FAM81A: variants seen among roughly 807,000 people sequenced by gnomAD.
FAM81A encodes family with sequence similarity 81 member A, also known as protein FAM81A.
Under a neutral mutation model 46.7 loss-of-function variants are expected in FAM81A, and 19 were observed. The ratio of observed to expected loss-of-function variants is 0.41; its 90% CI spans 0.28 to 0.60. The LOEUF is 0.60. Among genes scored for constraint, FAM81A ranks in the 20% least tolerant of loss-of-function variants. The pLI is 0.34. For synonymous variants in FAM81A, 183 were observed against 152.9 expected (o/e 1.20, Z -1.45); for missense variants, 377 against 453.5 (o/e 0.83, Z 1.53).
chr15:59,516,805 A>G lies in FAM81A; in HGVS notation c.947A>G (p.Gln316Arg), dbSNP rs768393321. The G allele has an allele frequency of 1.2e-6, 2 of 1,608,682 alleles. No homozygotes were observed. The highest frequency in any genetic ancestry group is 4.5e-5 in the East Asian group (2 of 44,828). ...RITKLELQMN[Q>R]NIKEMKAEVN... ...ACCAAGCTGGAGTTACAGATGAACCAGAACATCAAGGAAATGAAAGCAGAA... is the reference window on the plus strand; with the variant it reads ...ACCAAGCTGGAGTTACAGATGAACCGGAACATCAAGGAAATGAAAGCAGAA... The change falls in exon 8 of 9, where the codon CAG becomes CGG. Residue 316 changes from glutamine to arginine, a missense_variant. By Grantham distance (43) the Gln-to-Arg change is conservative (BLOSUM62 1). Coordinates refer to ENST00000288228, the MANE Select transcript of FAM81A (RefSeq NM_152450.3).
chr15:59,508,413 G>A (rs557189294), intron 5 of FAM81A, among the ~76,000 whole-genome samples: 321 of 152,330 alleles, frequency 2.1e-3, no homozygotes, highest in African/African-American at 7.4e-3. Flanking sequence ...AGGAACAGGA[G>A]GGAGATAGTC....
At chr15:59,432,171 C>T (rs62013062) in intron 2 of FAM81A, among the ~76,000 whole-genome samples, 26,073 of 152,074 alleles carry the variant, frequency 0.17, 2,857 homozygotes, top group South Asian at 0.28. Context: ...ACTCATAAAG[C>T]GCTCGTTTCA....
At chr15:59,521,117 C>G in intron 8 of FAM81A, 137 bp from the exon 9 acceptor site, 1 of 941,450 alleles carries the variant, frequency 1.1e-6, no homozygotes, top group Non-Finnish European at 1.5e-6. Flanking sequence ...CACCTGTTCC[C>G]CATCATACTT....
intron 3 of FAM81A, among the ~76,000 whole-genome samples, chr15:59,478,534 GC>G (rs1255911254): frequency 6.6e-6 from 1 of 152,110 alleles, no homozygotes; most frequent in Non-Finnish European, 1.5e-5. Context: ...AAGAGTTTTG[GC>G]TACTGGACTT....
intron 1 of FAM81A, among the ~76,000 whole-genome samples, chr15:59,400,170 A>G (rs6494107): frequency 0.99 from 151,348 of 152,214 alleles, 75,248 homozygotes; most frequent in Middle Eastern, 1. Context: ...AGACTGACTC[A>G]TGCTCTTGCC....
At chr15:59,508,564 C>T (rs578029712) in intron 5 of FAM81A, among the ~76,000 whole-genome samples, 1 of 152,310 alleles carries the variant, frequency 6.6e-6, no homozygotes, top group South Asian at 2.1e-4. Flanking sequence ...GGTTGACTAT[C>T]ATGACAGCTG....
chr15:59,502,519 G>GTA (rs2082104019), intron 4 of FAM81A, among the ~76,000 whole-genome samples: 1 of 150,946 alleles, frequency 6.6e-6, no homozygotes, highest in Non-Finnish European at 1.5e-5. Flanking sequence ...GTGTGTGTGT[G>GTA]TGTGTGTGTT....
At chr15:59,484,885 C>T (rs909901476) in intron 3 of FAM81A, among the ~76,000 whole-genome samples, 5 of 152,110 alleles carry the variant, frequency 3.3e-5, no homozygotes, top group Non-Finnish European at 7.4e-5. Context: ...GGGCTAAAGG[C>T]GGGCCCGCTG....
chr15:59,434,889 G>A (rs530907348), upstream of FAM81A, among the ~76,000 whole-genome samples: 119 of 152,310 alleles, frequency 7.8e-4, no homozygotes, highest in African/African-American at 2.7e-3. Context: ...CCTACCTAGA[G>A]GAGCCTACTT....
At chr15:59,436,473 C>T (rs1353944036), upstream of FAM81A, among the ~76,000 whole-genome samples, 5 of 152,208 alleles carry the variant, frequency 3.3e-5, no homozygotes, top group South Asian at 4.2e-4. Context: ...ACAGAGGGGA[C>T]GTTATGTGTC....
chr15:59,409,471 C>T (rs1036604773), intron 2 of FAM81A, among the ~76,000 whole-genome samples: 1 of 152,186 alleles, frequency 6.6e-6, no homozygotes, highest in African/African-American at 2.4e-5. Context: ...ATCCCCATTT[C>T]TCTTCTTGGC....
At chr15:59,509,017 G>T in intron 6 of FAM81A, 48 bp downstream of exon 6, 1 of 1,415,726 alleles carries the variant, frequency 7.1e-7, no homozygotes, top group Non-Finnish European at 9.7e-7. Flanking sequence ...TTCTTTATGA[G>T]TTTATGCAAT....
intron 5 of FAM81A, 77 bp from the exon 6 acceptor site, chr15:59,508,786 A>G (rs1161263172): frequency 5.9e-6 from 6 of 1,008,542 alleles, no homozygotes; most frequent in Admixed American, 2.2e-5. Flanking sequence ...TGACTACAAT[A>G]TGGCTTACTA....
intron 1 of FAM81A, among the ~76,000 whole-genome samples, chr15:59,444,793 A>G (rs2081337316): frequency 6.6e-6 from 1 of 152,080 alleles, no homozygotes; most frequent in African/African-American, 2.4e-5. Flanking sequence ...ATGTGGTTTT[A>G]TGTTCCATGA....
At chr15:59,489,003 C>A (rs929222024) in intron 3 of FAM81A, among the ~76,000 whole-genome samples, 1 of 152,072 alleles carries the variant, frequency 6.6e-6, no homozygotes, top group South Asian at 2.1e-4. Flanking sequence ...CGGTGGCTCA[C>A]GCCTGTAATC....
At chr15:59,437,941 A>G (rs2081254505), upstream of FAM81A, among the ~76,000 whole-genome samples, 1 of 151,944 alleles carries the variant, frequency 6.6e-6, no homozygotes, top group African/African-American at 2.4e-5. Context: ...CGACGAGCAG[A>G]GGCTATTTTG....
At chr15:59,516,422 A>T (rs2082267712) in intron 7 of FAM81A, among the ~76,000 whole-genome samples, 1 of 152,094 alleles carries the variant, frequency 6.6e-6, no homozygotes, top group Admixed American at 6.5e-5. Context: ...GAGCCACCGC[A>T]CCCAGCCTGA....
intron 3 of FAM81A, among the ~76,000 whole-genome samples, chr15:59,472,359 C>G (rs1793540567): frequency 2.0e-5 from 3 of 152,166 alleles, no homozygotes. Context: ...CCAAACCAAA[C>G]CAAACCAAAA....
chr15:59,459,825 C>A, intron 2 of FAM81A, 108 bp from the exon 3 acceptor site: 1 of 1,405,030 alleles, frequency 7.1e-7, no homozygotes, highest in Non-Finnish European at 9.4e-7. Context: ...CCCTATTTAG[C>A]TTGTAGTTAT....
Sources: allele counts gnomAD v4.1 joint callset (sites outside exome capture counted in the v4.1 genomes callset), GRCh38; gene constraint gnomAD v4.1.1; transcripts MANE v1.5; gene names NCBI Gene and HGNC (gene_info 2026-07-23, HGNC 2026-07-21).